The following STPG2 variants were observed in gnomAD, a reference collection of about 807,000 sequenced individuals.
STPG2 encodes the protein sperm-tail PG-rich repeat-containing protein 2.
STPG2 carries 56 observed loss-of-function variants against 54.2 expected under a neutral mutation model. The observed-to-expected ratio is 1.03, with a 90% CI of 0.83 to 1.29. The LOEUF is 1.29. Ranked by LOEUF, STPG2 falls within the 50% of genes most tolerant of loss-of-function variation. STPG2 has a pLI of 0.00. For missense variants in STPG2, 596 were observed against 544.9 expected, an observed-to-expected ratio of 1.09 and a Z score of -0.93; for synonymous variants, 200 against 181.8, an observed-to-expected ratio of 1.10 and a Z score of -0.81.
At chr4:97,470,340 A>T (rs968454340) in intron 4 of STPG2, among the ~76,000 whole-genome samples, 1 of 152,106 alleles carries the variant, frequency 6.6e-6, no homozygotes, top group African/African-American at 2.4e-5. Flanking sequence ...TTTTCACTAA[A>T]CATTTTCTGT....
chr4:97,459,431 T>G lies in STPG2; in HGVS notation c.462+253268A>C, dbSNP rs955658266. On this transcript the variant is annotated intron_variant, in intron 4 of 4. Coordinates refer to the STPG2 transcript ENST00000522676. ...TATCATGCAATTCAAAGGATGCCTG[T>G]TTTTTTTTGTTTTTTTTTTTTTTTT... 8.6e-5 allele frequency among the ~76,000 whole-genome samples: 12 copies of G among 139,770 alleles called. 1 individual carries two copies. The highest frequency in any genetic ancestry group is 6.5e-4 in the South Asian group (3 of 4,604). 91.7% of individuals were successfully genotyped at this position (139,770 alleles called of 152,430 possible). A position where few individuals can be genotyped will look rare whatever the true frequency, so the allele number is the denominator to read the frequency against.
chr4:98,059,233 T>G (rs1286312205), intron 5 of STPG2, among the ~76,000 whole-genome samples: 5 of 151,970 alleles, frequency 3.3e-5, no homozygotes, highest in African/African-American at 9.7e-5. Context: ...GCACACAAAC[T>G]AGAAAACCTA....
At chr4:97,613,558 T>G (rs549068972) in intron 10 of STPG2, among the ~76,000 whole-genome samples, 2 of 150,546 alleles carry the variant, frequency 1.3e-5, no homozygotes, top group Admixed American at 6.7e-5. Context: ...ATGGGGGGCA[T>G]GGTTTACATT....
At chr4:97,735,230 A>G (rs546918605) in intron 9 of STPG2, among the ~76,000 whole-genome samples, 1 of 152,056 alleles carries the variant, frequency 6.6e-6, no homozygotes, top group African/African-American at 2.4e-5. Flanking sequence ...ATAGATATAT[A>G]GATGTGTATA....
At chr4:98,002,859 ACTTTTTAAAAAATG>A (rs1735454169) in intron 5 of STPG2, among the ~76,000 whole-genome samples, 1 of 152,104 alleles carries the variant, frequency 6.6e-6, no homozygotes, top group Non-Finnish European at 1.5e-5. Context: ...CAATTTAAGT[ACTTTTTAAAAAATG>A]TTTCTTAATT....
intron 8 of STPG2, among the ~76,000 whole-genome samples, chr4:97,856,724 C>G (rs1000506489): frequency 6.6e-6 from 1 of 152,136 alleles, no homozygotes; most frequent in Non-Finnish European, 1.5e-5. Flanking sequence ...GAGAGGGCAT[C>G]CTTGTCTTGA....
intron 5 of STPG2, among the ~76,000 whole-genome samples, chr4:98,003,471 T>C (rs1181710195): frequency 6.6e-6 from 1 of 152,016 alleles, no homozygotes; most frequent in Non-Finnish European, 1.5e-5. Context: ...AAGCTATTTG[T>C]ATTAGAGTTT....
At chr4:97,878,381 C>A (rs890876654) in intron 8 of STPG2, among the ~76,000 whole-genome samples, 2 of 152,168 alleles carry the variant, frequency 1.3e-5, no homozygotes, top group Non-Finnish European at 2.9e-5. Flanking sequence ...TCCATGAGGG[C>A]CCCACCCCTG....
chr4:97,544,467 A>C (rs970334851), intron 4 of STPG2, among the ~76,000 whole-genome samples: 1 of 152,090 alleles, frequency 6.6e-6, no homozygotes, highest in Admixed American at 6.6e-5. Flanking sequence ...CAGAAACCAT[A>C]TAAAATGTTC....
At chr4:97,617,214 C>T (rs1733897212) in intron 10 of STPG2, among the ~76,000 whole-genome samples, 1 of 151,540 alleles carries the variant, frequency 6.6e-6, no homozygotes, top group African/African-American at 2.4e-5. Flanking sequence ...AAGCTGTATA[C>T]CCAATATCTG....
chr4:97,878,372 C>G (rs1165202773), intron 8 of STPG2, among the ~76,000 whole-genome samples: 5 of 152,224 alleles, frequency 3.3e-5, no homozygotes, highest in African/African-American at 9.6e-5. Context: ...CAGAGGTTCT[C>G]CATGAGGGCC....
At chr4:97,811,541 T>TAA (rs34763766) in intron 9 of STPG2, among the ~76,000 whole-genome samples, 20 of 150,024 alleles carry the variant, frequency 1.3e-4, no homozygotes, top group Middle Eastern at 3.4e-3. Context: ...GTAGCAGCAG[T>TAA]AAAAAAAAAA....
At chr4:97,888,232 G>A (rs1730651516) in intron 8 of STPG2, among the ~76,000 whole-genome samples, 1 of 152,200 alleles carries the variant, frequency 6.6e-6, no homozygotes, top group Non-Finnish European at 1.5e-5. Context: ...TGTGATAAGA[G>A]GGCCACCATC....
chr4:98,061,390 C>G (rs1431019626), intron 5 of STPG2, among the ~76,000 whole-genome samples: 1 of 152,046 alleles, frequency 6.6e-6, no homozygotes, highest in Non-Finnish European at 1.5e-5. Flanking sequence ...CACTGCAGAG[C>G]AGGAGGAAGA....
At chr4:97,559,241 A>C (rs1188679329) in intron 10 of STPG2, 124 bp from the exon 11 acceptor site, 2 of 646,634 alleles carry the variant, frequency 3.1e-6, no homozygotes, top group Non-Finnish European at 2.6e-6. Flanking sequence ...AAATATATAA[A>C]ATGATATAAT....
At chr4:98,012,792 A>G (rs978074407) in intron 5 of STPG2, among the ~76,000 whole-genome samples, 2 of 152,190 alleles carry the variant, frequency 1.3e-5, no homozygotes, top group Non-Finnish European at 2.9e-5. Context: ...ATTTTTGCAC[A>G]CTGATTTTGT....
chr4:97,927,635 T>C (rs919603166), intron 8 of STPG2, among the ~76,000 whole-genome samples: 4 of 152,110 alleles, frequency 2.6e-5, no homozygotes, highest in African/African-American at 7.2e-5. Context: ...TATAATACTA[T>C]CATATTCATT....
chr4:97,799,725 G>A (rs1183343869), intron 9 of STPG2, among the ~76,000 whole-genome samples: 1 of 151,974 alleles, frequency 6.6e-6, no homozygotes, highest in Non-Finnish European at 1.5e-5. Flanking sequence ...TTTGAATGTT[G>A]GCCTGCCTTG....
chr4:97,490,467 A>C (rs2148826792), intron 4 of STPG2, among the ~76,000 whole-genome samples: 1 of 151,432 alleles, frequency 6.6e-6, no homozygotes, highest in Admixed American at 6.6e-5. Context: ...CTCTTCCTCC[A>C]TCCCTCCCAA....
Sources: gnomAD v4.1 joint callset for allele counts (sites outside exome capture counted in the v4.1 genomes callset) on GRCh38, gnomAD v4.1.1 for gene constraint, MANE v1.5 for transcripts, NCBI Gene and HGNC (gene_info 2026-07-23, HGNC 2026-07-21) for gene names.